Variants in RFLNA observed in about 807,000 individuals in gnomAD.
RFLNA encodes the protein refilin A, also known as refilin-A.
RFLNA carries 5 observed loss-of-function variants against 7.8 expected under a neutral mutation model. The observed-to-expected ratio is 0.64, with a 90% CI of 0.34 to 1.35. RFLNA has a LOEUF of 1.35. Ranked by LOEUF, RFLNA falls within the 40% of genes most tolerant of loss-of-function variation. The pLI is 0.04. For missense variants in RFLNA, 278 were observed against 305.5 expected, an observed-to-expected ratio of 0.91 and a Z score of 0.67; for synonymous variants, 141 against 131.3, an observed-to-expected ratio of 1.07 and a Z score of -0.50.
Position 124,290,002 on chromosome 12 carries a change from C to T in RFLNA, c.-37+632C>T, listed in dbSNP as rs190187717. ...CTGTAAGGAGCGTGTGATCAAGAAG[C>T]CACTCTTCTTGCCTCTGTTCTCGCC... On this transcript the variant is annotated intron_variant, in intron 1 of 2. Coordinates refer to the RFLNA transcript ENST00000324038. The surrounding 1 kb of genome is among the most constrained non-coding windows in gnomAD (Gnocchi z 4.0). 1.3e-5 allele frequency among the ~76,000 whole-genome samples: 2 copies of T among 152,318 alleles called. No homozygotes were observed. Among genetic ancestry groups the T allele is most frequent in the South Asian group, 2.1e-4 (1 of 4,830 alleles).
At position 124,314,040 on chromosome 12, in the gene RFLNA, C is replaced by T. The variant is rs575971708; in HGVS notation, c.318-152C>T. ...AAGCCAAGACAGTCCCTCAGTCCTT[C>T]TTTGACCTTCTTGACCTTGACATTT... On this transcript the variant is annotated intron_variant, in intron 2 of 2. Coordinates refer to ENST00000546355, the MANE Select transcript of RFLNA (RefSeq NM_001365156.1). 1.0e-4 allele frequency: 103 copies of T among 1,009,302 alleles called. No homozygotes were observed. The African/African-American group carries it at 1.7e-3, about 17-fold the overall frequency. The allele number at this position is 1,009,302 out of a possible 1,614,324, so 62.5% of individuals were successfully genotyped here. A position where few individuals can be genotyped will look rare whatever the true frequency, so the allele number is the denominator to read the frequency against.
At chr12:124,310,418 G>A (rs1385018402) in intron 1 of RFLNA, among the ~76,000 whole-genome samples, 1 of 151,948 alleles carries the variant, frequency 6.6e-6, no homozygotes, top group South Asian at 2.1e-4. Flanking sequence ...ATGTTGGCAT[G>A]AGGAGAGGCT....
At chr12:124,308,993 C>T (rs573486464) in intron 1 of RFLNA, among the ~76,000 whole-genome samples, 3 of 152,348 alleles carry the variant, frequency 2.0e-5, no homozygotes, top group Admixed American at 6.5e-5. Context: ...CCTACTGAAT[C>T]GTAATGAATT....
At chr12:124,300,425 C>T (rs1470496985) in intron 1 of RFLNA, among the ~76,000 whole-genome samples, 1 of 152,254 alleles carries the variant, frequency 6.6e-6, no homozygotes, top group Non-Finnish European at 1.5e-5. Flanking sequence ...CCTGAGGTCT[C>T]AGCCATCCCT....
At chr12:124,296,166 C>T (rs765720890) in intron 1 of RFLNA, among the ~76,000 whole-genome samples, 171 of 860 alleles carry the variant, frequency 0.2, 43 homozygotes, top group Non-Finnish European at 0.66. Context: ...CTTCTCTTCT[C>T]TTCTCTTCTC....
chr12:124,294,821 A>C (rs895164492), upstream of RFLNA, among the ~76,000 whole-genome samples: 6 of 152,378 alleles, frequency 3.9e-5, no homozygotes, highest in South Asian at 2.1e-4. Flanking sequence ...GAGCACCACG[A>C]AATAGGATGA....
At chr12:124,311,297 CCCT>C in intron 1 of RFLNA, among the ~76,000 whole-genome samples, 1 of 106,350 alleles carries the variant, frequency 9.4e-6, no homozygotes, top group Admixed American at 8.3e-5. Flanking sequence ...CTTCCTGTGC[CCCT>C]CGACAGGCCT....
chr12:124,298,160 G>A (rs762025731), intron 1 of RFLNA, among the ~76,000 whole-genome samples: 1 of 152,208 alleles, frequency 6.6e-6, no homozygotes, highest in Non-Finnish European at 1.5e-5. Flanking sequence ...GGTGGCATAT[G>A]CCTCAGCTGC....
chr12:124,314,117 G>C, intron 2 of RFLNA, 75 bp from the exon 3 acceptor site: 2 of 1,520,736 alleles, frequency 1.3e-6, no homozygotes, highest in Non-Finnish European at 1.8e-6. Flanking sequence ...GGGCCCTTTC[G>C]TGTCCATGCT....
intron 1 of RFLNA, among the ~76,000 whole-genome samples, chr12:124,304,482 G>A (rs1449005672): frequency 6.6e-6 from 1 of 152,260 alleles, no homozygotes; most frequent in Non-Finnish European, 1.5e-5. Flanking sequence ...TGGCAGCCAG[G>A]TGGGGAGCGG....
intron 1 of RFLNA, among the ~76,000 whole-genome samples, chr12:124,309,299 C>T (rs2034194141): frequency 6.6e-6 from 1 of 152,212 alleles, no homozygotes; most frequent in Non-Finnish European, 1.5e-5. Flanking sequence ...ATTGCCCTGT[C>T]GACCACAGCC....
Position 124,311,826 on chromosome 12 carries a change from C to T in RFLNA, c.216C>T (p.Ser72=). The stretch of plus-strand genomic sequence containing the variant: ...CCTGGCTCTCCCCACAGCCCCCCTC[C>T]CAACTCCCAAATCCCCCGGCGTCGG... ...PGPSEARAPP[S]QLPNPPASEM... The change falls in exon 2 of 3, where the codon TCC becomes TCT. Residue 72 remains serine (S), a synonymous_variant. Transcript: ENST00000546355. The T allele has an allele frequency of 6.3e-7, 1 of 1,591,484 alleles. No homozygotes were observed. Among genetic ancestry groups the T allele is most frequent in the Non-Finnish European group, 8.5e-7 (1 of 1,170,006 alleles).
intron 1 of RFLNA, among the ~76,000 whole-genome samples, chr12:124,309,109 C>A (rs140425446): frequency 6.6e-6 from 1 of 152,136 alleles, no homozygotes; most frequent in Non-Finnish European, 1.5e-5. Flanking sequence ...TGAGGGCGTG[C>A]GGGTGTCCTG....
intron 1 of RFLNA, among the ~76,000 whole-genome samples, chr12:124,305,401 T>A (rs2034120906): frequency 1.3e-5 from 2 of 152,204 alleles, no homozygotes; most frequent in African/African-American, 4.8e-5. Context: ...CGGGAAGTCA[T>A]TGGCCCAAGT....
chr12:124,308,399 C>A (rs2135688836), intron 1 of RFLNA, among the ~76,000 whole-genome samples: 1 of 152,326 alleles, frequency 6.6e-6, no homozygotes, highest in South Asian at 2.1e-4. Flanking sequence ...CAAATAAGAT[C>A]CTGTCCACAG....
chr12:124,301,976 G>A (rs1480377695), intron 1 of RFLNA, among the ~76,000 whole-genome samples: 1 of 152,160 alleles, frequency 6.6e-6, no homozygotes, highest in Non-Finnish European at 1.5e-5. Flanking sequence ...TCCTCTGGAG[G>A]CTGTAAGGGG....
chr12:124,307,658 C>T (rs982410013), intron 1 of RFLNA, among the ~76,000 whole-genome samples: 9 of 152,198 alleles, frequency 5.9e-5, no homozygotes, highest in African/African-American at 2.2e-4. Context: ...AGCCCCGGTG[C>T]CTTCACGGAG....
intron 2 of RFLNA, among the ~76,000 whole-genome samples, chr12:124,313,902 A>G (rs530640495): frequency 6.6e-6 from 1 of 152,300 alleles, no homozygotes; most frequent in East Asian, 1.9e-4. Context: ...GACACGGCTC[A>G]GTTTCACCCA....
intron 1 of RFLNA, among the ~76,000 whole-genome samples, chr12:124,310,289 G>C (rs2034219033): frequency 6.6e-6 from 1 of 151,122 alleles, no homozygotes; most frequent in African/African-American, 2.4e-5. Context: ...GGACCCCCGA[G>C]TACAGATGGA....
Sources: gnomAD v4.1 joint callset for allele counts (sites outside exome capture counted in the v4.1 genomes callset) on GRCh38, gnomAD v4.1.1 for gene constraint, Gnocchi (gnomAD v3.1) non-coding constraint, MANE v1.5 for transcripts, NCBI Gene and HGNC (gene_info 2026-07-23, HGNC 2026-07-21) for gene names.